The following ZNF423 variants were observed in gnomAD, a reference collection of about 807,000 sequenced individuals.
ZNF423 encodes the protein Ebf-associated zinc finger protein.
ZNF423 carries 12 observed loss-of-function variants against 95.8 expected under a neutral mutation model. The ratio of observed to expected loss-of-function variants is 0.13; its 90% CI spans 0.08 to 0.20. The LOEUF is 0.20. Among genes scored for constraint, ZNF423 ranks in the 10% least tolerant of loss-of-function variants. The pLI is 1.00. For synonymous variants in ZNF423, 749 were observed against 711.9 expected, an observed-to-expected ratio of 1.05 and a Z score of -0.83; for missense variants, 1,316 against 1,737.1, an observed-to-expected ratio of 0.76 and a Z score of 4.31.
chr16:49,727,583 C>T (rs1193491658), intron 3 of ZNF423, among the ~76,000 whole-genome samples: 1 of 152,192 alleles, frequency 6.6e-6, no homozygotes, highest in African/African-American at 2.4e-5. Flanking sequence ...CCCCGACACC[C>T]CAACACACAG....
chr16:49,633,997 C>G (rs189993517), intron 4 of ZNF423, among the ~76,000 whole-genome samples: 2 of 151,096 alleles, frequency 1.3e-5, no homozygotes, highest in East Asian at 2.0e-4. Context: ...ACCTCTGCCT[C>G]GTGGGTTCAA....
intron 5 of ZNF423, among the ~76,000 whole-genome samples, chr16:49,551,977 C>T (rs768692313): frequency 6.6e-6 from 1 of 152,198 alleles, no homozygotes; most frequent in Non-Finnish European, 1.5e-5. Context: ...TGCATGCACT[C>T]ATGCGCTTTG....
chr16:49,604,843 G>A (rs1319184974), intron 5 of ZNF423, among the ~76,000 whole-genome samples: 2 of 152,158 alleles, frequency 1.3e-5, no homozygotes, highest in African/African-American at 4.8e-5. Flanking sequence ...CCCTACTGGT[G>A]TGATGAAAGC....
intron 5 of ZNF423, among the ~76,000 whole-genome samples, chr16:49,605,630 T>A (rs894298092): frequency 4.6e-5 from 7 of 152,210 alleles, no homozygotes; most frequent in African/African-American, 1.7e-4. Context: ...ATTAAAATAC[T>A]ATTTTTCAAT....
chr16:49,637,232 C>G lies in ZNF423; in HGVS notation c.1944G>C (p.Lys648Asn). Residue 648 changes from lysine to asparagine, a missense_variant, in exon 4 of 8, where the codon AAG becomes AAC. Lys to Asn is a moderately conservative substitution (Grantham distance 94). This residue lies in a region of ZNF423 where 620 missense variants were observed against 775.6 expected (regional missense o/e 0.80). Transcript: ENST00000563137. The surrounding 1 kb of genome is among the most constrained non-coding windows in gnomAD (Gnocchi z 5.6). ...GEYPCNQCDL[K>N]FSNFESFQTH... ...TCTGGAAGCTCTCAAAGTTGGAGAA[C>G]TTGAGGTCGCATTGATTGCAAGGAT... is the stretch of plus-strand genomic sequence containing the variant. 2 of 1,614,102 alleles carry G rather than the reference C, an allele frequency of 1.2e-6. No individual in the cohort carries two copies. Among genetic ancestry groups the G allele is most frequent in the East Asian group, 2.2e-5 (1 of 44,876 alleles).
chr16:49,657,084 C>T (rs1057028329), intron 3 of ZNF423, among the ~76,000 whole-genome samples: 3 of 152,226 alleles, frequency 2.0e-5, no homozygotes, highest in Non-Finnish European at 4.4e-5. Context: ...GAGGTGGCCT[C>T]CCGTGGAGCC....
Position 49,775,037 on chromosome 16 carries a change from C to T in ZNF423, c.100+14450G>A, listed in dbSNP as rs139913008. ...AGCAGCTGCCCCACCAGCCCCCAGA[C>T]GCAGCCCAGCAAAGGCAGCATTGCC... On this transcript the variant is annotated intron_variant, in intron 2 of 7. Coordinates refer to ENST00000563137, the MANE Select transcript of ZNF423 (RefSeq NM_001379286.1). 6.8e-3 allele frequency among the ~76,000 whole-genome samples: 1,033 copies of T among 152,292 alleles called. 12 individuals carry two copies. Among genetic ancestry groups the T allele is most frequent in the African/African-American group, 0.023 (966 of 41,552 alleles).
At chr16:49,731,412 G>A (rs1022474935) in intron 2 of ZNF423, 13 of 981,194 alleles carry the variant, frequency 1.3e-5, no homozygotes, top group Non-Finnish European at 1.6e-5. Flanking sequence ...CACACAACAG[G>A]CCTCCCAGGG....
At chr16:49,518,203 C>T (rs901344723) in intron 7 of ZNF423, 1 of 380,674 alleles carries the variant, frequency 2.6e-6, no homozygotes, top group Non-Finnish European at 5.1e-6. Flanking sequence ...TGACCACATG[C>T]ACTTGTAGCT....
rs532160733 is a variant in ZNF423 at position 49,492,905 on chromosome 16, A to G, written c.3850-1601T>C. 8.5e-5 allele frequency among the ~76,000 whole-genome samples: 13 copies of G among 152,098 alleles called. No homozygotes were observed. Among genetic ancestry groups the G allele is most frequent in the African/African-American group, 3.1e-4 (13 of 41,484 alleles). On this transcript the variant is annotated intron_variant, in intron 7 of 7. Transcript: ENST00000563137. The surrounding 1 kb of genome is among the most constrained non-coding windows in gnomAD (Gnocchi z 4.2). The stretch of plus-strand genomic sequence containing the variant: ...GGCTGGAATCCACTAGAGCAAGGGG[A>G]TTTTCAGGGGAGCCAGGCTTCCCAG...
rs2151638726 is a variant in ZNF423 at position 49,490,289 on chromosome 16, T to A, written c.*986A>T. ...CAAGAAGACTTCACAATCAGCATGG[T>A]GACCAACCTGCTGCGTGGCCTTGGG... On this transcript the variant is annotated 3_prime_UTR_variant, in exon 8 of 8. Coordinates refer to ENST00000563137, the MANE Select transcript of ZNF423 (RefSeq NM_001379286.1). The A allele has an allele frequency of 6.6e-6, 1 of 152,408 alleles. No homozygotes were observed. Among genetic ancestry groups the A allele is most frequent in the Non-Finnish European group, 1.5e-5 (1 of 68,066 alleles). The allele number at this position is 152,408 out of a possible 1,614,324, so 9.4% of individuals were successfully genotyped here.
intron 2 of ZNF423, among the ~76,000 whole-genome samples, chr16:49,738,995 A>C (rs1329760089): frequency 6.6e-6 from 1 of 151,898 alleles, no homozygotes; most frequent in Non-Finnish European, 1.5e-5. Context: ...TGACACATAC[A>C]AGCAGCAGAT....
intron 2 of ZNF423, among the ~76,000 whole-genome samples, chr16:49,734,648 T>A (rs2033244251): frequency 6.6e-6 from 1 of 152,144 alleles, no homozygotes; most frequent in East Asian, 1.9e-4. Flanking sequence ...CAAATGGATT[T>A]CAAATCAGGG....
intron 2 of ZNF423, 32 bp from the exon 3 acceptor site, chr16:49,731,003 C>T: frequency 1.2e-6 from 2 of 1,607,728 alleles, no homozygotes; most frequent in Non-Finnish European, 8.5e-7. Context: ...TCCATGTCAG[C>T]TGATGGGGTC....
chr16:49,563,500 C>T (rs560366419), intron 5 of ZNF423, among the ~76,000 whole-genome samples: 12 of 152,328 alleles, frequency 7.9e-5, no homozygotes, highest in Non-Finnish European at 1.2e-4. Context: ...CTAAGACAAA[C>T]GATATCTCAC....
intron 1 of ZNF423, among the ~76,000 whole-genome samples, chr16:49,799,703 C>G (rs1215711111): frequency 6.6e-6 from 1 of 152,194 alleles, no homozygotes; most frequent in Non-Finnish European, 1.5e-5. Context: ...TCTCCTCCAT[C>G]TTTCCCTAAT....
chr16:49,589,370 C>T (rs557623900), intron 5 of ZNF423, among the ~76,000 whole-genome samples: 1 of 152,342 alleles, frequency 6.6e-6, no homozygotes, highest in South Asian at 2.1e-4. Context: ...TCGCTCTACT[C>T]TGGGCGAAGA....
At chr16:49,557,097 GATCAAAAAGGTTATAAATGA>G (rs1289743674) in intron 5 of ZNF423, among the ~76,000 whole-genome samples, 1 of 152,228 alleles carries the variant, frequency 6.6e-6, no homozygotes, top group Non-Finnish European at 1.5e-5. Flanking sequence ...GAGGCTGGAT[GATCAAAAAGGTTATAAATGA>G]AAATGATTTC....
At chr16:49,583,962 G>T (rs895370549) in intron 5 of ZNF423, among the ~76,000 whole-genome samples, 2 of 152,254 alleles carry the variant, frequency 1.3e-5, no homozygotes, top group Non-Finnish European at 2.9e-5. Flanking sequence ...GTCAGTCACA[G>T]ACCCAGCTTG....
Sources: allele counts gnomAD v4.1 joint callset (sites outside exome capture counted in the v4.1 genomes callset), GRCh38; gene constraint gnomAD v4.1.1; regional missense constraint gnomAD v4.1.1; non-coding constraint Gnocchi (gnomAD v3.1); transcripts MANE v1.5; gene names NCBI Gene and HGNC (gene_info 2026-07-23, HGNC 2026-07-21).